The following COL19A1 variants were observed in gnomAD, a reference collection of about 807,000 sequenced individuals.
COL19A1 encodes the protein collagen type XIX alpha 1 chain, also known as collagen alpha-1(XIX) chain.
In COL19A1, 159 loss-of-function variants were observed where a neutral mutation model predicts 190.2. The ratio of observed to expected loss-of-function variants is 0.84; its 90% confidence interval spans 0.73 to 0.95. The LOEUF is 0.95. COL19A1 is among the 40% of genes least tolerant of loss of function. COL19A1 has a pLI of 0.00. For missense variants in COL19A1, 1,418 were observed against 1,431.9 expected, an observed-to-expected ratio of 0.99 and a Z score of 0.16; for synonymous variants, 509 against 458.9, an observed-to-expected ratio of 1.11 and a Z score of -1.39.
chr6:69,995,257 A>G (rs547080144), intron 11 of COL19A1, among the ~76,000 whole-genome samples: 12 of 152,330 alleles, frequency 7.9e-5, no homozygotes, highest in Middle Eastern at 3.4e-3. Flanking sequence ...CAACAGTTCT[A>G]TGAATGTCTC....
chr6:70,089,635 G>A (rs971599612), intron 15 of COL19A1, among the ~76,000 whole-genome samples: 21 of 152,258 alleles, frequency 1.4e-4, no homozygotes, highest in Admixed American at 4.6e-4. Flanking sequence ...TCTGTCCACA[G>A]GGACTGGTTT....
intron 40 of COL19A1, among the ~76,000 whole-genome samples, chr6:70,169,557 A>G (rs1765379525): frequency 6.6e-6 from 1 of 152,164 alleles, no homozygotes; most frequent in African/African-American, 2.4e-5. Flanking sequence ...TATGTCTAAA[A>G]ACATATTTTA....
chr6:70,192,022 T>C (rs1490314886), intron 48 of COL19A1, among the ~76,000 whole-genome samples: 1 of 151,458 alleles, frequency 6.6e-6, no homozygotes, highest in African/African-American at 2.4e-5. Context: ...GCTACTTTAA[T>C]GACAAAACAG....
intron 15 of COL19A1, among the ~76,000 whole-genome samples, chr6:70,082,501 C>T (rs985933630): frequency 6.6e-5 from 10 of 152,114 alleles, no homozygotes; most frequent in African/African-American, 2.4e-4. Flanking sequence ...CAACCTCCAC[C>T]TCCCGGGTTC....
At chr6:70,144,767 TTGAGTGAGTTGG>T (rs1786502748) in intron 24 of COL19A1, 139 bp from the exon 25 acceptor site, 3 of 652,164 alleles carry the variant, frequency 4.6e-6, no homozygotes, top group Non-Finnish European at 8.3e-6. Context: ...ATAAATATTA[TTGAGTGAGTTGG>T]TGAGTGAGTG....
intron 9 of COL19A1, among the ~76,000 whole-genome samples, chr6:69,949,489 G>A (rs915915288): frequency 6.6e-5 from 10 of 151,684 alleles, no homozygotes; most frequent in African/African-American, 9.7e-5. Context: ...AGTTACTAGC[G>A]TATTATCTAA....
chr6:70,090,385 G>A (rs116611571), intron 15 of COL19A1, among the ~76,000 whole-genome samples: 1,770 of 152,104 alleles, frequency 0.012, 32 homozygotes, highest in African/African-American at 0.04. Context: ...TATTTACATG[G>A]CATTTTCATT....
intron 16 of COL19A1, among the ~76,000 whole-genome samples, chr6:70,109,327 C>A (rs891518877): frequency 6.6e-6 from 1 of 152,024 alleles, no homozygotes; most frequent in African/African-American, 2.4e-5. Context: ...ACTTTCCAAA[C>A]AGAAATATCA....
At chr6:69,882,161 A>T (rs999034188) in intron 2 of COL19A1, among the ~76,000 whole-genome samples, 1 of 152,146 alleles carries the variant, frequency 6.6e-6, no homozygotes, top group Non-Finnish European at 1.5e-5. Context: ...CTGTACCTTA[A>T]CTCTATGGTA....
intron 15 of COL19A1, among the ~76,000 whole-genome samples, chr6:70,084,808 T>C (rs1782485708): frequency 6.6e-6 from 1 of 152,198 alleles, no homozygotes; most frequent in African/African-American, 2.4e-5. Context: ...GCCTCTGATG[T>C]ATATCTGGTT....
In COL19A1 at chr6:69,900,295, A is replaced by T; in HGVS notation, c.223A>T (p.Thr75Ser). ...ACGTGCATTTTGTGAAAGTGATAAA[A>T]CCTGTTTCAAATTGGGAAGTGCACT... Reference protein sequence around the residue: ...LRRAFCESDKTCFKLGSALLI... With the variant: ...LRRAFCESDKSCFKLGSALLI... Residue 75 changes from threonine to serine, a missense_variant, in exon 4 of 51, where the codon ACC becomes TCC. Physicochemically the swap from Thr to Ser is moderately conservative, Grantham distance 58. Transcript: ENST00000620364. 6.3e-7 allele frequency: 1 copy of T among 1,594,952 alleles called. No homozygotes were observed. The highest frequency in any genetic ancestry group is 8.5e-7 in the Non-Finnish European group (1 of 1,170,332).
chr6:69,968,359 A>G (rs551961783), intron 11 of COL19A1, among the ~76,000 whole-genome samples: 1 of 152,286 alleles, frequency 6.6e-6, no homozygotes, highest in South Asian at 2.1e-4. Context: ...CAATTATGAT[A>G]TGTCTCATAT....
intron 15 of COL19A1, among the ~76,000 whole-genome samples, chr6:70,085,753 A>G (rs1421004105): frequency 1.4e-5 from 2 of 145,352 alleles, no homozygotes; most frequent in Non-Finnish European, 3.1e-5. Context: ...GTATACTCTT[A>G]TTTCAAAGCT....
chr6:70,137,095 C>G (rs1183458493), intron 18 of COL19A1, among the ~76,000 whole-genome samples: 1 of 152,170 alleles, frequency 6.6e-6, no homozygotes. Context: ...ATACAGATCT[C>G]TCTTCAAGGT....
intron 36 of COL19A1, among the ~76,000 whole-genome samples, chr6:70,163,772 A>G (rs559096310): frequency 6.6e-6 from 1 of 152,298 alleles, no homozygotes; most frequent in East Asian, 1.9e-4. Context: ...ACAAAATACC[A>G]TAGACGGAGT....
chr6:69,991,664 T>C (rs1776632111), intron 11 of COL19A1, among the ~76,000 whole-genome samples: 1 of 152,138 alleles, frequency 6.6e-6, no homozygotes, highest in Non-Finnish European at 1.5e-5. Flanking sequence ...TTTAATATGC[T>C]TGTTGGCCTC....
chr6:70,111,084 T>C (rs1369515000), intron 16 of COL19A1, among the ~76,000 whole-genome samples: 1 of 152,168 alleles, frequency 6.6e-6, no homozygotes, highest in Non-Finnish European at 1.5e-5. Context: ...TCCTAAATAA[T>C]CTTATAGTTT....
chr6:69,988,786 A>G (rs112512340), intron 11 of COL19A1, among the ~76,000 whole-genome samples: 4 of 152,108 alleles, frequency 2.6e-5, no homozygotes, highest in African/African-American at 7.2e-5. Flanking sequence ...CCTAAACCTG[A>G]TATCTTTCCT....
chr6:70,033,782 A>G (rs1045134181), intron 12 of COL19A1, among the ~76,000 whole-genome samples: 2 of 152,206 alleles, frequency 1.3e-5, no homozygotes, highest in Non-Finnish European at 2.9e-5. Context: ...GCAAAAGAAT[A>G]CATCTTTCAT....
Sources: allele counts gnomAD v4.1 joint callset (sites outside exome capture counted in the v4.1 genomes callset), GRCh38; gene constraint gnomAD v4.1.1; transcripts MANE v1.5; gene names NCBI Gene and HGNC (gene_info 2026-07-23, HGNC 2026-07-21).